Variants in AKAP11 observed in about 807,000 individuals in gnomAD.
The protein encoded by AKAP11 is A-kinase anchor protein 11.
In AKAP11, 36 loss-of-function variants were observed where a neutral mutation model predicts 146.1. The observed-to-expected ratio is 0.25, with a 90% CI of 0.19 to 0.33. The LOEUF (loss-of-function observed/expected upper bound fraction) is 0.33. AKAP11 is among the 10% of genes least tolerant of loss of function. The pLI, the probability that AKAP11 is intolerant of heterozygous loss-of-function variation, is 1.00. For synonymous variants in AKAP11, 780 were observed against 786.5 expected (o/e 0.99, Z 0.14); for missense variants, 2,201 against 2,197.0 (o/e 1.00, Z -0.04).
At position 42,302,264 on chromosome 13, in the gene AKAP11, A is replaced by C. The variant is rs1959968996; in HGVS notation, c.3518A>C (p.Glu1173Ala). 1 of 1,614,190 alleles carries C rather than the reference A, an allele frequency of 6.2e-7. No individual in the cohort carries two copies. The highest frequency in any genetic ancestry group is 1.7e-5 in the Admixed American group (1 of 60,014). Residue 1173 changes from glutamate (E) to alanine (A), a missense_variant, in exon 8 of 13, where the codon GAA (glutamate) becomes GCA (alanine). By Grantham distance (107) the Glu-to-Ala change is moderately radical. This residue lies in a region of AKAP11 where 1,867 missense variants were observed against 1,833.5 expected (regional missense o/e 1.02). Transcript: ENST00000025301. ...AAACTCATGCGATCTCTTTCTGAAGAAGTTGAGAGTAGTGAAAGTGGAGAG... is the reference window on the plus strand; with the variant it reads ...AAACTCATGCGATCTCTTTCTGAAGCAGTTGAGAGTAGTGAAAGTGGAGAG... Reference protein sequence around the residue: ...MLKLMRSLSEEVESSESGELP... With the variant: ...MLKLMRSLSEAVESSESGELP...
In AKAP11 at chr13:42,300,650, A is replaced by G; in HGVS notation, c.1904A>G (p.Lys635Arg). 6.2e-7 allele frequency: 1 copy of G among 1,614,100 alleles called. No homozygotes were observed. The change falls in exon 8 of 13, where the codon AAG becomes AGG. Residue 635 changes from lysine (K) to arginine (R), a missense_variant. Transcript: ENST00000025301. ...SNALKDLQYV[K>R]KQIFTNTVAR... is the part of the protein sequence containing the mutation. Reference sequence around the variant, plus strand: ...GCCTTAAAAGATTTACAGTATGTAAAGAAGCAGATATTCACAAACACAGTT... The same window carrying G: ...GCCTTAAAAGATTTACAGTATGTAAGGAAGCAGATATTCACAAACACAGTT...
At chr13:42,308,281 T>C (rs1450275782) in intron 8 of AKAP11, among the ~76,000 whole-genome samples, 173 bp from the exon 9 acceptor site, 1 of 152,218 alleles carries the variant, frequency 6.6e-6, no homozygotes, top group African/African-American at 2.4e-5. Flanking sequence ...ATTAATACGC[T>C]ATCCTACAGT....
At chr13:42,281,116 A>G (rs1221928570) in intron 1 of AKAP11, among the ~76,000 whole-genome samples, 1 of 152,258 alleles carries the variant, frequency 6.6e-6, no homozygotes, top group East Asian at 1.9e-4. Context: ...TTATTTGCAT[A>G]GTTAAAACCA....
intron 1 of AKAP11, among the ~76,000 whole-genome samples, chr13:42,274,192 T>C (rs145273497): frequency 7.4e-4 from 112 of 152,284 alleles, no homozygotes; most frequent in Non-Finnish European, 1.3e-3. Flanking sequence ...TGCATTTTAT[T>C]AATCAACTAC....
Position 42,319,382 on chromosome 13 carries a change from T to C in AKAP11, c.*154T>C. 1 of 927,214 alleles carries C rather than the reference T, an allele frequency of 1.1e-6. No individual in the cohort carries two copies. Among genetic ancestry groups the C allele is most frequent in the Non-Finnish European group, 1.6e-6 (1 of 635,102 alleles). 57.4% of individuals were successfully genotyped at this position (927,214 alleles called of 1,614,324 possible). On this transcript the variant is annotated 3_prime_UTR_variant, in exon 13 of 13. Coordinates refer to ENST00000025301, the MANE Select transcript of AKAP11 (RefSeq NM_016248.4). ...CTTTCTGAGCGCTTTGTGTTATCAC[T>C]CGGTGTATATAGTTCATACTTTTGT...
intron 1 of AKAP11, among the ~76,000 whole-genome samples, chr13:42,285,139 T>C (rs1240828188): frequency 1.3e-5 from 2 of 152,248 alleles, no homozygotes; most frequent in Non-Finnish European, 2.9e-5. Flanking sequence ...TTTTTGCGTA[T>C]AAATCTCCTC....
chr13:42,286,337 C>G lies in AKAP11; in HGVS notation c.-12C>G. On this transcript the variant is annotated 5_prime_UTR_variant, in exon 3 of 13. Coordinates refer to ENST00000025301, the MANE Select transcript of AKAP11 (RefSeq NM_016248.4). ...TTAACTCTTCATTGATTATATACAA[C>G]AAAAAATAGTTATGGCGACTTTCAG... is the stretch of plus-strand genomic sequence containing the variant. The G allele has an allele frequency of 6.3e-7, 1 of 1,589,768 alleles. No homozygotes were observed. Among genetic ancestry groups the G allele is most frequent in the African/African-American group, 1.4e-5 (1 of 73,820 alleles).
intron 11 of AKAP11, among the ~76,000 whole-genome samples, chr13:42,315,652 A>G (rs188015133): frequency 6.6e-6 from 1 of 152,286 alleles, no homozygotes; most frequent in East Asian, 1.9e-4. Context: ...GCTGTTAAGG[A>G]TTTCTTTTGT....
rs1208286279 is a variant in AKAP11, at chr13:42,303,392, A to G, written c.4646A>G (p.Asp1549Gly). The change falls in exon 8 of 13, where the codon GAT becomes GGT. Residue 1549 changes from aspartate to glycine, a missense_variant. By Grantham distance (94) the Asp-to-Gly change is moderately conservative. Coordinates refer to ENST00000025301, the MANE Select transcript of AKAP11 (RefSeq NM_016248.4). ...AVEQYAKKVV[D>G]DTLELTLGST... ...GAACAGTATGCCAAAAAAGTAGTGGATGACACTCTAGAGCTAACTCTAGGA... is the reference window on the plus strand; with the variant it reads ...GAACAGTATGCCAAAAAAGTAGTGGGTGACACTCTAGAGCTAACTCTAGGA... The G allele has an allele frequency of 6.2e-7, 1 of 1,613,890 alleles. No homozygotes were observed. Among genetic ancestry groups the G allele is most frequent in the South Asian group, 1.1e-5 (1 of 91,078 alleles).
chr13:42,284,741 A>G, intron 1 of AKAP11, among the ~76,000 whole-genome samples: 1 of 152,232 alleles, frequency 6.6e-6, no homozygotes. Flanking sequence ...TTCCAGAGAC[A>G]TTGCAGTTTA....
chr13:42,310,488 G>C (rs1189864688), intron 9 of AKAP11, among the ~76,000 whole-genome samples: 2 of 152,210 alleles, frequency 1.3e-5, no homozygotes, highest in African/African-American at 4.8e-5. Flanking sequence ...AAGATATGTT[G>C]CATCTGTTGA....
intron 9 of AKAP11, among the ~76,000 whole-genome samples, chr13:42,310,796 T>C (rs1960521793): frequency 6.6e-6 from 1 of 151,388 alleles, no homozygotes; most frequent in Admixed American, 6.6e-5. Context: ...GAGGCAGAGA[T>C]TGCAGTGAGC....
chr13:42,299,267 A>C, intron 7 of AKAP11, 96 bp from the exon 8 acceptor site: 1 of 1,001,770 alleles, frequency 1.0e-6, no homozygotes, highest in Non-Finnish European at 1.4e-6. Flanking sequence ...ACACATAAAT[A>C]TTATATGTTT....
chr13:42,321,398 A>G lies in AKAP11; in HGVS notation c.*2170A>G, dbSNP rs1229856639. 6.6e-6 allele frequency: 1 copy of G among 152,334 alleles called. No homozygotes were observed. Among genetic ancestry groups the G allele is most frequent in the African/African-American group, 2.4e-5 (1 of 41,444 alleles). The allele number at this position is 152,334 out of a possible 1,614,324, so 9.4% of individuals were successfully genotyped here. On this transcript the variant is annotated 3_prime_UTR_variant, in exon 13 of 13. Coordinates refer to ENST00000025301, the MANE Select transcript of AKAP11 (RefSeq NM_016248.4). Reference sequence around the variant, plus strand: ...GCATTTGCTTATTTAACCACTACATAATGACAGACCAGTTATTAGGTATTA... The same window carrying G: ...GCATTTGCTTATTTAACCACTACATGATGACAGACCAGTTATTAGGTATTA...
chr13:42,297,235 T>G lies in AKAP11; in HGVS notation c.351+53T>G, dbSNP rs552635474. 1,871 of 1,306,830 alleles carry G rather than the reference T, an allele frequency of 1.4e-3. 1 individual carries two copies. The highest frequency in any genetic ancestry group is 1.8e-3 in the Non-Finnish European group (1,775 of 979,390). 81.0% of individuals were successfully genotyped at this position (1,306,830 alleles called of 1,614,324 possible). ...GATTTTTAGGGCAAATTTTACTATA[T>G]TTGATAAAGATGATTAAACTTTTAA... On this transcript the variant is annotated intron_variant, in intron 6 of 12. Transcript: ENST00000025301.
intron 1 of AKAP11, among the ~76,000 whole-genome samples, chr13:42,277,283 G>A (rs184506897): frequency 6.6e-6 from 1 of 152,282 alleles, no homozygotes; most frequent in East Asian, 1.9e-4. Context: ...TCAAATGTAG[G>A]TCTAATGAGT....
rs140377492 is a variant in AKAP11 at position 42,321,458 on chromosome 13, C to G, written c.*2230C>G. On this transcript the variant is annotated 3_prime_UTR_variant, in exon 13 of 13. Transcript: ENST00000025301. Reference sequence around the variant, plus strand: ...GTAATAATAATAGTGGAACTTCACACTTACATCAATTCAGTGCAGGGGCAT... The same window carrying G: ...GTAATAATAATAGTGGAACTTCACAGTTACATCAATTCAGTGCAGGGGCAT... The G allele has an allele frequency of 9.3e-4, 139 of 149,682 alleles. No homozygotes were observed. The highest frequency in any genetic ancestry group is 3.4e-3 in the African/African-American group (133 of 39,072). 9.3% of individuals were successfully genotyped at this position (149,682 alleles called of 1,614,324 possible). A position where few individuals can be genotyped will look rare whatever the true frequency, so the allele number is the denominator to read the frequency against.
intron 1 of AKAP11, among the ~76,000 whole-genome samples, chr13:42,272,756 C>T (rs1958808362): frequency 6.6e-6 from 1 of 152,136 alleles, no homozygotes; most frequent in Admixed American, 6.5e-5. Context: ...CAAGGGGCTC[C>T]TCAGAGTATT....
chr13:42,315,734 C>T (rs1960788224), intron 11 of AKAP11, among the ~76,000 whole-genome samples: 1 of 152,052 alleles, frequency 6.6e-6, no homozygotes, highest in African/African-American at 2.4e-5. Context: ...ATAGGTATTT[C>T]TCATTATATA....
Sources: gnomAD v4.1 joint callset for allele counts (sites outside exome capture counted in the v4.1 genomes callset) on GRCh38, gnomAD v4.1.1 for gene constraint, gnomAD v4.1.1 regional missense constraint, MANE v1.5 for transcripts, NCBI Gene and HGNC (gene_info 2026-07-23, HGNC 2026-07-21) for gene names.